Variants in ERICH3 observed in about 807,000 individuals in gnomAD.
ERICH3 encodes the protein glutamate rich 3.
Under a neutral mutation model 131.1 loss-of-function variants are expected in ERICH3, and 126 were observed. The observed-to-expected ratio is 0.96, with a 90% CI of 0.83 to 1.11. The LOEUF (loss-of-function observed/expected upper bound fraction) is 1.11, where lower values mean the gene tolerates loss of function less well. ERICH3 is among the 50% of genes most tolerant of loss of function. The pLI, the probability that ERICH3 is intolerant of heterozygous loss-of-function variation, is 0.00. For synonymous variants in ERICH3, 695 were observed against 644.6 expected (o/e 1.08, Z -1.18); for missense variants, 2,050 against 1,810.7 (o/e 1.13, Z -2.40).
chr1:74,668,058 C>A (rs1250384958), intron 1 of ERICH3, among the ~76,000 whole-genome samples: 1 of 152,180 alleles, frequency 6.6e-6, no homozygotes, highest in Non-Finnish European at 1.5e-5. Context: ...TTGTAAGTTT[C>A]TTGAGACCTC....
At chr1:74,652,884 G>C (rs1183883913) in intron 1 of ERICH3, among the ~76,000 whole-genome samples, 1 of 152,078 alleles carries the variant, frequency 6.6e-6, no homozygotes, top group African/African-American at 2.4e-5. Context: ...CTAGGTGGGG[G>C]AAAAACCCAC....
chr1:74,586,543 G>C (rs889240599), intron 12 of ERICH3: 2 of 955,022 alleles, frequency 2.1e-6, no homozygotes, highest in African/African-American at 3.5e-5. Context: ...TGAGAAAAAA[G>C]TTTATCAAAA....
intron 1 of ERICH3, among the ~76,000 whole-genome samples, chr1:74,661,677 A>G (rs1226022099): frequency 1.3e-5 from 2 of 152,168 alleles, no homozygotes; most frequent in Non-Finnish European, 1.5e-5. Context: ...CTAAAGACTT[A>G]AGCAACATAT....
At chr1:74,601,204 A>C (rs1219037191) in intron 10 of ERICH3, among the ~76,000 whole-genome samples, 1 of 151,910 alleles carries the variant, frequency 6.6e-6, no homozygotes, top group Non-Finnish European at 1.5e-5. Context: ...ACAAACAGAA[A>C]CTACTAATAA....
chr1:74,606,512 T>C lies in ERICH3; in HGVS notation c.1489+89A>G. 9.7e-6 allele frequency: 13 copies of C among 1,336,356 alleles called. No homozygotes were observed. The South Asian group carries it at 1.9e-4, about 19-fold the overall frequency. 82.8% of individuals were successfully genotyped at this position (1,336,356 alleles called of 1,614,324 possible). Reference sequence around the variant, plus strand: ...TGTAACACAGCTGGGTAACATTTAATGGGTATTTTTGAAAATTTTGATCAT... The same window carrying C: ...TGTAACACAGCTGGGTAACATTTAACGGGTATTTTTGAAAATTTTGATCAT... On this transcript the variant is annotated intron_variant, in intron 10 of 14. Transcript: ENST00000326665.
intron 1 of ERICH3, among the ~76,000 whole-genome samples, chr1:74,670,094 T>A (rs1319819713): frequency 6.6e-6 from 1 of 152,230 alleles, no homozygotes; most frequent in Non-Finnish European, 1.5e-5. Flanking sequence ...ATAATTTTGT[T>A]CTTGGGTGAA....
intron 7 of ERICH3, chr1:74,625,847 C>A (rs1299064518): frequency 6.6e-6 from 1 of 152,160 alleles, no homozygotes; most frequent in South Asian, 2.1e-4. Context: ...AAAGGATTAT[C>A]AGGTACATGA....
chr1:74,579,281 A>T (rs766038070), intron 12 of ERICH3: 7 of 583,874 alleles, frequency 1.2e-5, no homozygotes, highest in Non-Finnish European at 1.5e-5. Context: ...CAAGTAGTCC[A>T]CAGGGTATAA....
intron 5 of ERICH3, among the ~76,000 whole-genome samples, chr1:74,638,308 A>T (rs2100631248): frequency 6.6e-6 from 1 of 152,320 alleles, no homozygotes; most frequent in Admixed American, 6.5e-5. Flanking sequence ...TTAACATCTA[A>T]TGGCAACACA....
At chr1:74,590,104 ATTG>A (rs1203757645) in intron 11 of ERICH3, 24 bp from the exon 12 acceptor site, 3 of 1,522,414 alleles carry the variant, frequency 2.0e-6, no homozygotes, top group Admixed American at 2.2e-5. Context: ...AAGTGATGAC[ATTG>A]TTGTTGTTCT....
At chr1:74,625,311 G>A (rs2100616399) in intron 7 of ERICH3, 1 of 152,056 alleles carries the variant, frequency 6.6e-6, no homozygotes, top group Middle Eastern at 3.4e-3. Flanking sequence ...CAGTAGAGGA[G>A]CATGTTGAGA....
In ERICH3 at chr1:74,599,878, C is replaced by G. The variant is rs1411926693; in HGVS notation, c.1543G>C (p.Glu515Gln). 5.6e-6 allele frequency: 9 copies of G among 1,611,926 alleles called. No homozygotes were observed. The stretch of plus-strand genomic sequence containing the variant: ...ATTTGAACATCAGCCTGTCCTTCTT[C>G]ATTAGATTTTTCACCTTGTTTCTCC... ...DEEKQGEKSN[E>Q]EGQADVQMNG... The change falls in exon 11 of 15, where the codon GAA becomes CAA. Residue 515 changes from glutamate (E) to glutamine (Q), a missense_variant. Physicochemically the swap from Glu to Gln is conservative, Grantham distance 29 (BLOSUM62 2). Coordinates refer to ENST00000326665, the MANE Select transcript of ERICH3 (RefSeq NM_001002912.5).
chr1:74,671,119 C>T (rs759211862), intron 1 of ERICH3, among the ~76,000 whole-genome samples: 6 of 152,122 alleles, frequency 3.9e-5, no homozygotes, highest in East Asian at 1.9e-4. Context: ...AATATGTGCA[C>T]CACTGAACAT....
rs397940991 is a variant in ERICH3, at chr1:74,670,283, A to AT, written c.23+3213dup. On this transcript the variant is annotated intron_variant, in intron 1 of 14. Transcript: ENST00000326665. ...CAGATGTTGGTCTGATCCAACACAA[A>AT]TTTTTATATATTTAGGCTCCTGCAC... Among the ~76,000 whole-genome samples, 3 of 152,090 alleles carry AT rather than the reference A, an allele frequency of 2.0e-5. No individual in the cohort carries two copies. The South Asian group carries it at 6.2e-4, about 32-fold the overall frequency.
At chr1:74,663,736 G>GAA (rs11396671) in intron 1 of ERICH3, among the ~76,000 whole-genome samples, 3 of 150,920 alleles carry the variant, frequency 2.0e-5, no homozygotes, top group Non-Finnish European at 3.0e-5. Context: ...TGCTAACACA[G>GAA]AAAAAAATAA....
At chr1:74,634,846 G>T in intron 6 of ERICH3, 1 of 584,036 alleles carries the variant, frequency 1.7e-6, no homozygotes, top group Non-Finnish European at 3.1e-6. Context: ...GATGAGATGG[G>T]TGTATCAGGC....
chr1:74,586,946 AT>A (rs1452410529), intron 12 of ERICH3, among the ~76,000 whole-genome samples: 5 of 152,190 alleles, frequency 3.3e-5, no homozygotes. Flanking sequence ...ATTTTTCAAA[AT>A]TACTTTTCTC....
At chr1:74,670,438 T>C (rs1213298619) in intron 1 of ERICH3, among the ~76,000 whole-genome samples, 1 of 152,148 alleles carries the variant, frequency 6.6e-6, no homozygotes, top group Non-Finnish European at 1.5e-5. Context: ...AACTTCTCAG[T>C]CCTTGTTGCA....
chr1:74,650,321 T>C (rs1210990383), intron 1 of ERICH3, among the ~76,000 whole-genome samples: 5 of 152,186 alleles, frequency 3.3e-5, no homozygotes, highest in African/African-American at 4.8e-5. Context: ...AAATTGTCAA[T>C]CTAAGTCTGT....
Sources: gnomAD v4.1 joint callset for allele counts (sites outside exome capture counted in the v4.1 genomes callset) on GRCh38, gnomAD v4.1.1 for gene constraint, MANE v1.5 for transcripts, NCBI Gene and HGNC (gene_info 2026-07-23, HGNC 2026-07-21) for gene names.